TTLL11: variants seen among roughly 807,000 people sequenced by gnomAD.
The protein encoded by TTLL11 is tubulin polyglutamylase TTLL11.
In TTLL11, 42 loss-of-function variants were observed where a neutral mutation model predicts 51.7. The ratio of observed to expected loss-of-function variants is 0.81; its 90% CI spans 0.64 to 1.05. The LOEUF is 1.05. Among genes scored for constraint, TTLL11 ranks in the 50% least tolerant of loss-of-function variants. The pLI is 0.00. For synonymous variants in TTLL11, 381 were observed against 383.5 expected (o/e 0.99, Z 0.08); for missense variants, 799 against 940.4 (o/e 0.85, Z 1.97).
chr9:122,011,841 A>C (rs943446967), intron 3 of TTLL11, among the ~76,000 whole-genome samples: 3 of 152,214 alleles, frequency 2.0e-5, no homozygotes, highest in Non-Finnish European at 4.4e-5. Context: ...CACAGAGAAG[A>C]ACTGTTATCG....
At position 121,890,487 on chromosome 9, in the gene TTLL11, G is replaced by A. The variant is rs769004756; in HGVS notation, c.1482-19739C>T. On this transcript the variant is annotated intron_variant, in intron 6 of 8. Transcript: ENST00000321582. This position sits in a 1 kb window ranked among gnomAD's most constrained non-coding sequence, Gnocchi z 4.3. ...TTCCTTCAAGTGTGTGTCCAAGTGT[G>A]CCCTTCTCAGGCAGGCCTCCCCCAA... is the stretch of plus-strand genomic sequence containing the variant. Among the ~76,000 whole-genome samples the A allele has an allele frequency of 5.3e-5, 8 of 152,084 alleles. No homozygotes were observed. The highest frequency in any genetic ancestry group is 1.2e-4 in the Non-Finnish European group (8 of 68,016).
rs41277110 is a variant in TTLL11 at position 121,989,082 on chromosome 9, A to C, written c.1269+113T>G. On this transcript the variant is annotated intron_variant, in intron 4 of 8. Transcript: ENST00000321582. The surrounding 1 kb of genome is among the most constrained non-coding windows in gnomAD (Gnocchi z 4.2). ...CACCCAAGCCCACAGCACCACCAAC[A>C]CTGTCCCCTCCTCTGGCCATCCCAC... The C allele has an allele frequency of 0.033, 50,042 of 1,531,224 alleles. 2,135 individuals are homozygous for C. The highest frequency in any genetic ancestry group is 0.2 in the African/African-American group (14,224 of 72,458). The allele number at this position is 1,531,224 out of a possible 1,614,324, so 94.9% of individuals were successfully genotyped here.
At chr9:121,878,870 G>A (rs1226293067) in intron 6 of TTLL11, among the ~76,000 whole-genome samples, 2 of 152,212 alleles carry the variant, frequency 1.3e-5, no homozygotes, top group African/African-American at 4.8e-5. Flanking sequence ...AGGCCAAGGA[G>A]GGGTGCTCCA....
intron 6 of TTLL11, among the ~76,000 whole-genome samples, chr9:121,909,117 C>G (rs556329513): frequency 1.8e-4 from 28 of 152,314 alleles, no homozygotes; most frequent in Admixed American, 1.7e-3. Flanking sequence ...GCCATCCAAT[C>G]CATAACGGTC....
At chr9:121,851,631 T>C (rs1837665488) in intron 8 of TTLL11, among the ~76,000 whole-genome samples, 1 of 152,242 alleles carries the variant, frequency 6.6e-6, no homozygotes, top group Non-Finnish European at 1.5e-5. Flanking sequence ...GACCTGGGTC[T>C]CAGCCTGAGC....
intron 6 of TTLL11, among the ~76,000 whole-genome samples, chr9:121,916,979 G>T (rs1168941993): frequency 6.6e-6 from 1 of 152,054 alleles, no homozygotes; most frequent in Non-Finnish European, 1.5e-5. Context: ...TTCTGTTTAG[G>T]TAGCCATGCT....
intron 6 of TTLL11, among the ~76,000 whole-genome samples, chr9:121,917,150 T>C (rs1840353888): frequency 6.6e-6 from 1 of 152,140 alleles, no homozygotes; most frequent in Non-Finnish European, 1.5e-5. Context: ...TGCGATGTGA[T>C]GTTATGTATA....
chr9:121,895,088 G>T (rs986947611), intron 6 of TTLL11, among the ~76,000 whole-genome samples: 1 of 151,810 alleles, frequency 6.6e-6, no homozygotes, highest in Non-Finnish European at 1.5e-5. Flanking sequence ...TAAAGACAGG[G>T]GACTAAATAA....
intron 8 of TTLL11, among the ~76,000 whole-genome samples, chr9:121,848,002 A>G (rs1837566799): frequency 6.6e-6 from 1 of 152,154 alleles, no homozygotes; most frequent in African/African-American, 2.4e-5. Context: ...GGAGTTTGAG[A>G]CCAGCCTGGG....
chr9:121,844,279 G>A (rs1434807688), intron 8 of TTLL11, among the ~76,000 whole-genome samples: 6 of 151,830 alleles, frequency 4.0e-5, no homozygotes, highest in East Asian at 3.9e-4. Context: ...AAGGAAATAC[G>A]AAGGCAATAG....
intron 8 of TTLL11, among the ~76,000 whole-genome samples, chr9:121,840,133 G>A (rs572899555): frequency 1.3e-5 from 2 of 152,302 alleles, no homozygotes; most frequent in South Asian, 4.1e-4. Flanking sequence ...CTTCTTTACA[G>A]AAGGTAATTT....
At chr9:122,079,035 T>G (rs1055238746) in intron 1 of TTLL11, among the ~76,000 whole-genome samples, 1 of 152,354 alleles carries the variant, frequency 6.6e-6, no homozygotes, top group African/African-American at 2.4e-5. Flanking sequence ...ATAATGCTAC[T>G]ATGAACATTA....
At chr9:121,850,199 C>T (rs1588068675) in intron 8 of TTLL11, among the ~76,000 whole-genome samples, 2 of 151,820 alleles carry the variant, frequency 1.3e-5, no homozygotes, top group Admixed American at 1.3e-4. Flanking sequence ...TAGATAGATA[C>T]AGAGATAGAT....
chr9:121,852,723 G>C (rs958983512), intron 8 of TTLL11, among the ~76,000 whole-genome samples: 1 of 152,186 alleles, frequency 6.6e-6, no homozygotes, highest in Non-Finnish European at 1.5e-5. Flanking sequence ...GGGAGATCAG[G>C]GTCTGGGTGA....
At chr9:121,874,452 A>C (rs1427708720) in intron 6 of TTLL11, among the ~76,000 whole-genome samples, 1 of 152,256 alleles carries the variant, frequency 6.6e-6, no homozygotes, top group Non-Finnish European at 1.5e-5. Flanking sequence ...TAAAGGAATC[A>C]AAATCATTTG....
In TTLL11 at chr9:121,819,646, T is replaced by G. The variant is rs1314519116; in HGVS notation, c.*2941A>C. Among the ~76,000 whole-genome samples, 2 of 151,890 alleles carry G rather than the reference T, an allele frequency of 1.3e-5. No homozygotes were observed. Among genetic ancestry groups the G allele is most frequent in the South Asian group, 2.1e-4 (1 of 4,824 alleles). ...AGCGGGAGGGAGAAGACGCTGGAGA[T>G]GGATCCTGAGGGCGCTTGCAGGGAT... On this transcript the variant is annotated 3_prime_UTR_variant, in exon 9 of 9. Coordinates refer to ENST00000321582, the MANE Select transcript of TTLL11 (RefSeq NM_001139442.2).
At chr9:122,034,973 A>T (rs1227011458) in intron 2 of TTLL11, among the ~76,000 whole-genome samples, 1 of 152,190 alleles carries the variant, frequency 6.6e-6, no homozygotes, top group Non-Finnish European at 1.5e-5. Flanking sequence ...GACCTAGACT[A>T]TGTATTCCAA....
intron 1 of TTLL11, among the ~76,000 whole-genome samples, chr9:122,054,180 G>A (rs1422417464): frequency 6.6e-6 from 1 of 152,042 alleles, no homozygotes; most frequent in Non-Finnish European, 1.5e-5. Flanking sequence ...TCATATGAAT[G>A]GAAGCTGGAA....
intron 6 of TTLL11, among the ~76,000 whole-genome samples, chr9:121,922,578 C>T (rs1228847000): frequency 6.6e-6 from 1 of 152,196 alleles, no homozygotes; most frequent in South Asian, 2.1e-4. Context: ...AAGTGTGAGA[C>T]TCACAAAGGG....
Sources: gnomAD v4.1 joint callset for allele counts (sites outside exome capture counted in the v4.1 genomes callset) on GRCh38, gnomAD v4.1.1 for gene constraint, Gnocchi (gnomAD v3.1) non-coding constraint, MANE v1.5 for transcripts, NCBI Gene and HGNC (gene_info 2026-07-23, HGNC 2026-07-21) for gene names.